Variants in GLUD1 observed in about 807,000 individuals in gnomAD.
GLUD1 encodes glutamate dehydrogenase 1, mitochondrial.
GLUD1 carries 22 observed loss-of-function variants against 56.0 expected under a neutral mutation model. The observed-to-expected ratio is 0.39, with a 90% CI of 0.28 to 0.56. The LOEUF (loss-of-function observed/expected upper bound fraction) is 0.56. Among genes scored for constraint, GLUD1 ranks in the 20% least tolerant of loss-of-function variants. The pLI, the probability that GLUD1 is intolerant of heterozygous loss-of-function variation, is 0.58. For missense variants in GLUD1, 451 were observed against 732.0 expected, an observed-to-expected ratio of 0.62 and a Z score of 4.43; for synonymous variants, 223 against 269.9, an observed-to-expected ratio of 0.83 and a Z score of 1.70.
At chr10:87,073,820 T>G (rs1305765802) in intron 4 of GLUD1, among the ~76,000 whole-genome samples, 1 of 151,828 alleles carries the variant, frequency 6.6e-6, no homozygotes, top group African/African-American at 2.4e-5. Context: ...GGATTCCTAC[T>G]AAACCCCGTT....
In GLUD1 at chr10:87,059,235, G is replaced by C; in HGVS notation, c.1317C>G (p.Tyr439Ter). 6.2e-7 allele frequency: 1 copy of C among 1,613,758 alleles called. No homozygotes were observed. The highest frequency in any genetic ancestry group is 8.5e-7 in the Non-Finnish European group (1 of 1,179,720). Reference protein sequence around the residue: ...YLNAGGVTVSYFEWLKNLNHV... With the variant: ...YLNAGGVTVS ...GATTTAGATTCTTCAGCCACTCAAAGTAAGATACTGTCACTCCTCCAGCAT... is the reference window on the plus strand; with the variant it reads ...GATTTAGATTCTTCAGCCACTCAAACTAAGATACTGTCACTCCTCCAGCAT... The change falls in exon 10 of 13, where the codon TAC becomes TAG. Residue 439 changes from tyrosine to a stop codon, truncating the protein, a stop_gained. Transcript: ENST00000277865. LOFTEE classifies it high-confidence loss of function.
intron 5 of GLUD1, among the ~76,000 whole-genome samples, chr10:87,064,689 ACT>A (rs1846028865): frequency 6.6e-6 from 1 of 152,204 alleles, no homozygotes; most frequent in South Asian, 2.1e-4. Flanking sequence ...AGGAAGAAAA[ACT>A]CAGTCTAGTA....
At chr10:87,071,817 T>C (rs1172000902) in intron 4 of GLUD1, among the ~76,000 whole-genome samples, 1 of 152,224 alleles carries the variant, frequency 6.6e-6, no homozygotes, top group Non-Finnish European at 1.5e-5. Flanking sequence ...TATAGACCAA[T>C]GTCACTTACA....
chr10:87,080,456 C>T (rs1439959873), intron 1 of GLUD1, among the ~76,000 whole-genome samples: 8 of 149,222 alleles, frequency 5.4e-5, no homozygotes, highest in Non-Finnish European at 8.9e-5. Flanking sequence ...AAGTGAGGAG[C>T]GTCTCTGCCC....
intron 9 of GLUD1, among the ~76,000 whole-genome samples, chr10:87,059,744 A>G (rs1254490575): frequency 6.6e-6 from 1 of 152,186 alleles, no homozygotes; most frequent in Non-Finnish European, 1.5e-5. Context: ...ATTTCTAGTA[A>G]CTTTTTGGTG....
At position 87,069,408 on chromosome 10, in the gene GLUD1, CGGAGGCTGA is replaced by C. The variant is rs566199619; in HGVS notation, c.647-1260_647-1252del. ...CACATGTCTGTAATCCCAGCTACTC[CGGAGGCTGA>C]GGCAGGAGAATCGCTTGAATGGAGG... On this transcript the variant is annotated intron_variant, in intron 4 of 12. Transcript: ENST00000277865. Among the ~76,000 whole-genome samples the C allele has an allele frequency of 3.4e-3, 516 of 150,772 alleles. 1 individual carries two copies. Among genetic ancestry groups the C allele is most frequent in the Non-Finnish European group, 5.7e-3 (384 of 67,784 alleles).
At chr10:87,088,539 A>AG (rs1436300704) in intron 1 of GLUD1, among the ~76,000 whole-genome samples, 1 of 152,138 alleles carries the variant, frequency 6.6e-6, no homozygotes, top group African/African-American at 2.4e-5. Flanking sequence ...TTGGCATAAA[A>AG]GAAAAAAAAA....
chr10:87,058,957 A>G (rs1845860586), intron 10 of GLUD1, among the ~76,000 whole-genome samples, 193 bp downstream of exon 10: 1 of 152,218 alleles, frequency 6.6e-6, no homozygotes, highest in Non-Finnish European at 1.5e-5. Flanking sequence ...AACTCTGGAT[A>G]TAATATATGG....
At chr10:87,075,877 G>A (rs1192371281) in intron 3 of GLUD1, 91 bp downstream of exon 3, 9 of 902,136 alleles carry the variant, frequency 1.0e-5, no homozygotes, top group Non-Finnish European at 1.7e-5. Context: ...TTGCGCCATT[G>A]TACTCCGGCC....
chr10:87,053,872 T>C (rs1443077285), intron 11 of GLUD1, among the ~76,000 whole-genome samples: 2 of 152,132 alleles, frequency 1.3e-5, no homozygotes, highest in Admixed American at 6.6e-5. Context: ...ATTCTGTGTA[T>C]CTATTCAGTA....
chr10:87,058,491 T>A (rs1159012013), intron 10 of GLUD1, among the ~76,000 whole-genome samples: 1 of 152,206 alleles, frequency 6.6e-6, no homozygotes, highest in Admixed American at 6.5e-5. Context: ...AAAACAAGTA[T>A]TCTCATCAGG....
chr10:87,092,293 A>C (rs760513597), intron 1 of GLUD1, among the ~76,000 whole-genome samples: 1 of 152,238 alleles, frequency 6.6e-6, no homozygotes, highest in African/African-American at 2.4e-5. Flanking sequence ...AGCCTTTCAA[A>C]TTCCTGAAGA....
At position 87,094,672 on chromosome 10, in the gene GLUD1, G is replaced by C. The variant is rs1045137232; in HGVS notation, c.98C>G (p.Ala33Gly). The change falls in exon 1 of 13, where the codon GCC (alanine) becomes GGC (glycine). Residue 33 changes from alanine to glycine, a missense_variant. Ala to Gly is a moderately conservative substitution (Grantham distance 60, BLOSUM62 0). Transcript: ENST00000277865. This position sits in a 1 kb window ranked among gnomAD's most constrained non-coding sequence, Gnocchi z 6.6. Reference sequence around the variant, plus strand: ...CGGGGCGGCGGCGGGCTGTCCCCGGGCCCAGCCCAGCAACGCGGCCGAGTC... The same window carrying C: ...CGGGGCGGCGGCGGGCTGTCCCCGGCCCCAGCCCAGCAACGCGGCCGAGTC... ...SADSAALLGW[A>G]RGQPAAAPQP... 1.3e-6 allele frequency: 2 copies of C among 1,551,270 alleles called. No homozygotes were observed. The highest frequency in any genetic ancestry group is 1.9e-5 in the Admixed American group (1 of 51,864).
chr10:87,072,217 G>A (rs1371316848), intron 4 of GLUD1, among the ~76,000 whole-genome samples: 1 of 152,220 alleles, frequency 6.6e-6, no homozygotes, highest in Non-Finnish European at 1.5e-5. Context: ...AGGTTGCAGT[G>A]ACTGCTGTCT....
In GLUD1 at chr10:87,094,554, G is replaced by C. The variant is rs373219196; in HGVS notation, c.216C>G (p.Gly72=). Residue 72 remains glycine (G), a synonymous_variant, in exon 1 of 13, where the codon GGC becomes GGG. Transcript: ENST00000277865. The surrounding 1 kb of genome is among the most constrained non-coding windows in gnomAD (Gnocchi z 6.6). ...CGATGCTGGCGCCGCGATCGAAGAA[G>C]CCCTCCACCATCTTGAAGAAGTTGG... The part of the protein sequence containing the change: ...DDPNFFKMVE[G]FFDRGASIVE... The C allele has an allele frequency of 6.2e-7, 1 of 1,612,258 alleles. No individual in the cohort carries two copies. The highest frequency in any genetic ancestry group is 1.3e-5 in the African/African-American group (1 of 74,988).
rs1032691829 is a variant in GLUD1, at chr10:87,050,396, C to T, written c.*1355G>A. On this transcript the variant is annotated 3_prime_UTR_variant, in exon 13 of 13. Transcript: ENST00000277865. ...TGGAAGGAAATGTTATACAGGTGGTCGCTATAAACATTTCAGAAATCCAAT... is the reference window on the plus strand; with the variant it reads ...TGGAAGGAAATGTTATACAGGTGGTTGCTATAAACATTTCAGAAATCCAAT... 16 of 151,138 alleles carry T rather than the reference C, an allele frequency of 1.1e-4. No individual in the cohort carries two copies. The highest frequency in any genetic ancestry group is 3.9e-4 in the African/African-American group (16 of 41,122). The allele number at this position is 151,138 out of a possible 1,614,324, so 9.4% of individuals were successfully genotyped here.
chr10:87,083,816 TACACACAC>T (rs10535860), intron 1 of GLUD1, among the ~76,000 whole-genome samples: 8 of 151,128 alleles, frequency 5.3e-5, no homozygotes, highest in South Asian at 2.1e-4. Context: ...ATCCCATCTC[TACACACAC>T]ACACACACAC....
chr10:87,092,688 A>G (rs1401787683), intron 1 of GLUD1: 4 of 709,576 alleles, frequency 5.6e-6, no homozygotes, highest in Non-Finnish European at 6.9e-6. Flanking sequence ...TTCAGAGACC[A>G]AATCATCCTG....
chr10:87,070,856 T>C (rs1473306603), intron 4 of GLUD1, among the ~76,000 whole-genome samples: 6 of 151,538 alleles, frequency 4.0e-5, no homozygotes, highest in Non-Finnish European at 7.4e-5. Flanking sequence ...TGAGGCCGGG[T>C]GCGGTGCTCA....
Sources: allele counts gnomAD v4.1 joint callset (sites outside exome capture counted in the v4.1 genomes callset), GRCh38; gene constraint gnomAD v4.1.1; non-coding constraint Gnocchi (gnomAD v3.1); transcripts MANE v1.5; gene names NCBI Gene and HGNC (gene_info 2026-07-23, HGNC 2026-07-21).